The following PTGES3 variants were observed in gnomAD, a reference collection of about 807,000 sequenced individuals.
PTGES3 encodes the protein Hsp90 co-chaperone.
PTGES3 carries 5 observed loss-of-function variants against 29.9 expected under a neutral mutation model. The observed-to-expected ratio is 0.17, with a 90% CI of 0.09 to 0.35. The LOEUF is 0.35. Among genes scored for constraint, PTGES3 ranks in the 10% least tolerant of loss-of-function variants. The pLI is 1.00. For missense variants in PTGES3, 128 were observed against 190.0 expected (o/e 0.67, Z 1.92); for synonymous variants, 49 against 57.8 (o/e 0.85, Z 0.69).
rs1480116950 is a variant in PTGES3, at chr12:56,681,848, C to T, written c.2+6150G>A. Among the ~76,000 whole-genome samples the T allele has an allele frequency of 3.3e-5, 5 of 151,612 alleles. No individual in the cohort carries two copies. In the East Asian group the frequency reaches 9.9e-4, roughly 30 times the overall value. ...CTCCAGCCTGGGCGACAGAGCAAGA[C>T]TCCATCTCAAAAAAAAAGAGTCTCA... On this transcript the variant is annotated intron_variant, in intron 1 of 7. Coordinates refer to ENST00000262033, the MANE Select transcript of PTGES3 (RefSeq NM_006601.7).
chr12:56,665,663 A>T, intron 6 of PTGES3: 2 of 981,256 alleles, frequency 2.0e-6, no homozygotes, highest in Non-Finnish European at 2.4e-6. Flanking sequence ...TCTTTTTGAG[A>T]TGGAGCCTCG....
chr12:56,687,658 C>G (rs922795275), intron 1 of PTGES3: 1 of 1,221,256 alleles, frequency 8.2e-7, no homozygotes. Flanking sequence ...CGAAGGTTCA[C>G]GCTTCAGGGC....
At chr12:56,673,792 A>C (rs1220146005) in intron 1 of PTGES3, among the ~76,000 whole-genome samples, 1 of 19,812 alleles carries the variant, frequency 5.0e-5, no homozygotes, top group Admixed American at 5.0e-4. Flanking sequence ...ACTGTCTCAA[A>C]AAAAAAAAAA....
Position 56,671,866 on chromosome 12 carries a change from T to C in PTGES3, c.187-19A>G. ...TGGAATCCTAAAAACAAAAGGACCA[T>C]CATACCATTTATCTTTCCAGCATCA... On this transcript the variant is annotated intron_variant, in intron 3 of 7. Coordinates refer to ENST00000262033, the MANE Select transcript of PTGES3 (RefSeq NM_006601.7). The C allele has an allele frequency of 1.4e-6, 2 of 1,414,064 alleles. No homozygotes were observed. Among genetic ancestry groups the C allele is most frequent in the Non-Finnish European group, 1.9e-6 (2 of 1,035,092 alleles). 87.6% of individuals were successfully genotyped at this position (1,414,064 alleles called of 1,614,324 possible). A position where few individuals can be genotyped will look rare whatever the true frequency, so the allele number is the denominator to read the frequency against.
chr12:56,687,325 GT>G (rs1952922200), intron 1 of PTGES3: 1 of 989,050 alleles, frequency 1.0e-6, no homozygotes. Context: ...CTGCTCAATG[GT>G]AACTCCTCCT....
In PTGES3 at chr12:56,665,977, T is replaced by C. The variant is rs1951768353; in HGVS notation, c.438+227A>G. ...AATATATAATGTCTCTATACAATGATTCTTTGGAAATCTAATCCATTTAGG... is the reference window on the plus strand; with the variant it reads ...AATATATAATGTCTCTATACAATGACTCTTTGGAAATCTAATCCATTTAGG... On this transcript the variant is annotated intron_variant, in intron 6 of 7. Transcript: ENST00000262033. 3.2e-6 allele frequency: 4 copies of C among 1,268,800 alleles called. No homozygotes were observed. The Admixed American group carries it at 1.5e-4, about 48-fold the overall frequency. 78.6% of individuals were successfully genotyped at this position (1,268,800 alleles called of 1,614,324 possible). A position where few individuals can be genotyped will look rare whatever the true frequency, so the allele number is the denominator to read the frequency against.
At chr12:56,681,246 T>A (rs1002915385) in intron 1 of PTGES3, among the ~76,000 whole-genome samples, 2 of 152,042 alleles carry the variant, frequency 1.3e-5, no homozygotes, top group Non-Finnish European at 2.9e-5. Context: ...AAATGGGTAT[T>A]TTAAGAATCA....
chr12:56,672,124 T>C (rs1021052157), intron 3 of PTGES3, among the ~76,000 whole-genome samples: 2 of 152,270 alleles, frequency 1.3e-5, no homozygotes, highest in African/African-American at 4.8e-5. Flanking sequence ...TTTTCTTTCC[T>C]GCACACGATA....
At chr12:56,669,032 CAG>C (rs766845068) in intron 5 of PTGES3, among the ~76,000 whole-genome samples, 9 of 19,732 alleles carry the variant, frequency 4.6e-4, no homozygotes, top group African/African-American at 7.1e-4. Flanking sequence ...TTTTTGGAGA[CAG>C]AGTCTTGCTC....
At chr12:56,685,766 CTTACTTT>C (rs1252394882) in intron 1 of PTGES3, among the ~76,000 whole-genome samples, 1 of 115,616 alleles carries the variant, frequency 8.6e-6, no homozygotes, top group Non-Finnish European at 1.7e-5. Flanking sequence ...TACTGCTACA[CTTACTTT>C]TTTTTTTTTT....
At chr12:56,678,368 G>A (rs1952367013) in intron 1 of PTGES3, among the ~76,000 whole-genome samples, 1 of 152,000 alleles carries the variant, frequency 6.6e-6, no homozygotes, top group Non-Finnish European at 1.5e-5. Flanking sequence ...GTAGAGGCAG[G>A]TTTTCACCAT....
chr12:56,688,275 G>A lies in PTGES3; in HGVS notation c.-276C>T, dbSNP rs1311853546. The A allele has an allele frequency of 2.0e-6, 1 of 497,828 alleles. No individual in the cohort carries two copies. The highest frequency in any genetic ancestry group is 3.3e-6 in the Non-Finnish European group (1 of 302,218). 30.8% of individuals were successfully genotyped at this position (497,828 alleles called of 1,614,324 possible). A position where few individuals can be genotyped will look rare whatever the true frequency, so the allele number is the denominator to read the frequency against. ...ATGAACGTGCGTGCGTGCAAACGAG[G>A]GGTGGTGAGGCCGGGCGGCGGCTGG... On this transcript the variant is annotated 5_prime_UTR_variant, in exon 1 of 8. Coordinates refer to ENST00000262033, the MANE Select transcript of PTGES3 (RefSeq NM_006601.7).
intron 1 of PTGES3, among the ~76,000 whole-genome samples, chr12:56,683,788 T>C (rs1488517120): frequency 6.6e-6 from 1 of 150,504 alleles, no homozygotes. Context: ...TGAAACCCCG[T>C]CTCTACTAAA....
chr12:56,685,489 C>CTTCCGGGT (rs1952794625), intron 1 of PTGES3, among the ~76,000 whole-genome samples: 1 of 150,992 alleles, frequency 6.6e-6, no homozygotes, highest in South Asian at 2.1e-4. Context: ...CAAGCTCCGC[C>CTTCCGGGT]TTCCGGGTTC....
chr12:56,687,855 A>G (rs554848506), intron 1 of PTGES3, 143 bp downstream of exon 1: 407 of 1,520,732 alleles, frequency 2.7e-4, no homozygotes, highest in Non-Finnish European at 3.4e-4. Flanking sequence ...GGTAACCGGA[A>G]CAAGGATCCT....
At chr12:56,668,383 G>A (rs1038301127) in intron 5 of PTGES3, among the ~76,000 whole-genome samples, 9 of 152,128 alleles carry the variant, frequency 5.9e-5, no homozygotes, top group African/African-American at 2.2e-4. Flanking sequence ...AGATATGTAA[G>A]AGATAACAAC....
At chr12:56,684,667 T>C (rs1258481289) in intron 1 of PTGES3, among the ~76,000 whole-genome samples, 1 of 152,184 alleles carries the variant, frequency 6.6e-6, no homozygotes, top group Non-Finnish European at 1.5e-5. Context: ...TTTTCTCTAT[T>C]TTTAATCGGT....
At chr12:56,687,109 T>C in intron 1 of PTGES3, 1 of 764,934 alleles carries the variant, frequency 1.3e-6, no homozygotes, top group Non-Finnish European at 1.7e-6. Context: ...GGCTTTCCTT[T>C]ATCATCGTAA....
chr12:56,683,847 T>C (rs1952690232), intron 1 of PTGES3, among the ~76,000 whole-genome samples: 2 of 144,640 alleles, frequency 1.4e-5, no homozygotes. Context: ...TAGTCCCAGC[T>C]ACTCGGGAGG....
Sources: allele counts gnomAD v4.1 joint callset (sites outside exome capture counted in the v4.1 genomes callset), GRCh38; gene constraint gnomAD v4.1.1; transcripts MANE v1.5; gene names NCBI Gene and HGNC (gene_info 2026-07-23, HGNC 2026-07-21).